Variants in CALD1 observed in about 807,000 individuals in gnomAD.
CALD1 encodes caldesmon 1, also known as caldesmon.
CALD1 carries 33 observed loss-of-function variants against 99.9 expected under a neutral mutation model. The observed-to-expected ratio is 0.33, with a 90% confidence interval of 0.25 to 0.44. The LOEUF (loss-of-function observed/expected upper bound fraction) is 0.44, where lower values mean the gene tolerates loss of function less well. Among genes scored for constraint, CALD1 ranks in the 20% least tolerant of loss-of-function variants. The pLI, the probability that CALD1 is intolerant of heterozygous loss-of-function variation, is 1.00. For missense variants in CALD1, 861 were observed against 962.1 expected (o/e 0.89, Z 1.39); for synonymous variants, 310 against 325.0 (o/e 0.95, Z 0.50).
At chr7:134,797,106 C>T (rs1471722476) in intron 1 of CALD1, among the ~76,000 whole-genome samples, 1 of 152,012 alleles carries the variant, frequency 6.6e-6, no homozygotes, top group Admixed American at 6.5e-5. Context: ...CTCACGGTAG[C>T]CTCAGCCTCC....
chr7:134,958,053 C>G lies in CALD1; in HGVS notation c.1936-16C>G. The G allele has an allele frequency of 6.3e-7, 1 of 1,582,134 alleles. No homozygotes were observed. The highest frequency in any genetic ancestry group is 8.7e-7 in the Non-Finnish European group (1 of 1,152,982). On this transcript the variant is annotated splice_polypyrimidine_tract_variant and intron_variant, in intron 9 of 14. Transcript: ENST00000361675. ...TTGAAATATTAATTGGGTTTATTTT[C>G]TTTTGTAATTCCTAGATAGAAGAGC...
chr7:134,891,172 T>C (rs1403917280), intron 3 of CALD1, among the ~76,000 whole-genome samples: 2 of 152,236 alleles, frequency 1.3e-5, no homozygotes, highest in Admixed American at 6.5e-5. Flanking sequence ...TGCATCAGTG[T>C]CTTTTTCCTT....
the CALD1 span, among the ~76,000 whole-genome samples, chr7:134,721,322 T>C: frequency 8.8e-6 from 1 of 113,722 alleles, no homozygotes; most frequent in East Asian, 3.1e-4. Context: ...CTGGTTTAAG[T>C]CATCTGCAAA....
At chr7:134,731,811 CA>C in the CALD1 span, among the ~76,000 whole-genome samples, 2 of 152,180 alleles carry the variant, frequency 1.3e-5, no homozygotes, top group Non-Finnish European at 2.9e-5. Context: ...CTCCTCTTTG[CA>C]GTCTGGCTTT....
rs117192075 is a variant in CALD1, at chr7:134,792,814, C to A, written c.-130+13065C>A. On this transcript the variant is annotated intron_variant, in intron 1 of 14. Transcript: ENST00000361675. ...GGTAGAAATCCATATGGCACATTTT[C>A]TGAAGCTCAAGTGCCAAAGACCCTA... is the stretch of plus-strand genomic sequence containing the variant. Among the ~76,000 whole-genome samples, 17 of 152,292 alleles carry A rather than the reference C, an allele frequency of 1.1e-4. No individual in the cohort carries two copies. The East Asian group carries it at 3.3e-3, about 29-fold the overall frequency.
At chr7:134,726,914 C>T in the CALD1 span, among the ~76,000 whole-genome samples, 1 of 152,232 alleles carries the variant, frequency 6.6e-6, no homozygotes, top group South Asian at 2.1e-4. Flanking sequence ...CACTCCACAT[C>T]TGGTGCTCCT....
chr7:134,942,177 T>C (rs925180261), intron 7 of CALD1, among the ~76,000 whole-genome samples: 3 of 152,204 alleles, frequency 2.0e-5, no homozygotes, highest in African/African-American at 7.2e-5. Context: ...TTCCCCGGGC[T>C]TGTTCCTTGG....
chr7:134,742,786 G>A (rs1214531339), upstream of CALD1, among the ~76,000 whole-genome samples: 1 of 152,202 alleles, frequency 6.6e-6, no homozygotes, highest in Non-Finnish European at 1.5e-5. Context: ...AGTTAGCAGT[G>A]TAACTAACAC....
chr7:134,741,069 C>T (rs1320108502), upstream of CALD1, among the ~76,000 whole-genome samples: 1 of 152,186 alleles, frequency 6.6e-6, no homozygotes, highest in African/African-American at 2.4e-5. Context: ...GACTCTAGGA[C>T]TGATACTCCT....
intron 3 of CALD1, among the ~76,000 whole-genome samples, chr7:134,873,319 G>A (rs1431534151): frequency 6.6e-6 from 1 of 151,830 alleles, no homozygotes; most frequent in Non-Finnish European, 1.5e-5. Flanking sequence ...ACCTTCATGT[G>A]CCTCTTCCCC....
chr7:134,729,129 G>A, the CALD1 span, among the ~76,000 whole-genome samples: 1 of 152,124 alleles, frequency 6.6e-6, no homozygotes, highest in South Asian at 2.1e-4. Flanking sequence ...TGGGATTATA[G>A]GCATGAGCTG....
chr7:134,957,207 G>C (rs148964685), intron 9 of CALD1, among the ~76,000 whole-genome samples: 1 of 152,204 alleles, frequency 6.6e-6, no homozygotes, highest in African/African-American at 2.4e-5. Context: ...CAATAGGCTT[G>C]ATCATTGACC....
chr7:134,799,679 A>C (rs557562335), intron 1 of CALD1, among the ~76,000 whole-genome samples: 13 of 152,322 alleles, frequency 8.5e-5, no homozygotes, highest in African/African-American at 3.1e-4. Flanking sequence ...TAAAGCAAAC[A>C]CGTGTCATTC....
At chr7:134,777,090 A>G (rs940035589), upstream of CALD1, among the ~76,000 whole-genome samples, 20 of 152,206 alleles carry the variant, frequency 1.3e-4, no homozygotes, top group Non-Finnish European at 2.6e-4. Flanking sequence ...GGCCTCTGGA[A>G]AAAGTAAATA....
upstream of CALD1, among the ~76,000 whole-genome samples, chr7:134,740,398 G>A (rs192755709): frequency 3.3e-5 from 5 of 152,126 alleles, no homozygotes; most frequent in Admixed American, 3.3e-4. Context: ...AATGTAATAA[G>A]GATAAATGCA....
intron 1 of CALD1, among the ~76,000 whole-genome samples, chr7:134,760,503 C>T (rs79150102): frequency 0.013 from 1,945 of 152,326 alleles, 35 homozygotes; most frequent in African/African-American, 0.044. Context: ...ATAACTTGCA[C>T]ACTGACTGAA....
At chr7:134,902,265 G>A (rs939408678) in intron 3 of CALD1, among the ~76,000 whole-genome samples, 1 of 152,114 alleles carries the variant, frequency 6.6e-6, no homozygotes, top group Non-Finnish European at 1.5e-5. Context: ...GGAAGTGTGT[G>A]CATGTCCATT....
intron 3 of CALD1, among the ~76,000 whole-genome samples, chr7:134,915,478 G>A (rs190577119): frequency 9.8e-4 from 150 of 152,290 alleles, no homozygotes; most frequent in African/African-American, 3.5e-3. Flanking sequence ...GATCTAGTCA[G>A]AAGACAGCAT....
intron 8 of CALD1, among the ~76,000 whole-genome samples, chr7:134,949,168 T>C (rs1807141561): frequency 6.6e-6 from 1 of 152,184 alleles, no homozygotes; most frequent in South Asian, 2.1e-4. Context: ...GTTATTATGA[T>C]TATTATTCAG....
Sources: allele counts gnomAD v4.1 joint callset (sites outside exome capture counted in the v4.1 genomes callset), GRCh38; gene constraint gnomAD v4.1.1; transcripts MANE v1.5; gene names NCBI Gene and HGNC (gene_info 2026-07-23, HGNC 2026-07-21).